CBR4: variants seen among roughly 807,000 people sequenced by gnomAD.
CBR4 encodes 3-oxoacyl-[acyl-carrier-protein] reductase.
Under a neutral mutation model 21.0 loss-of-function variants are expected in CBR4, and 22 were observed. That is an observed-to-expected ratio of 1.05 (90% CI 0.75 to 1.50). The LOEUF (loss-of-function observed/expected upper bound fraction) is 1.50, where lower values mean the gene tolerates loss of function less well. Among genes scored for constraint, CBR4 ranks in the 40% most tolerant of loss-of-function variants. The pLI is 0.00. For missense variants in CBR4, 302 were observed against 286.3 expected (o/e 1.05, Z -0.40); for synonymous variants, 100 against 104.4 (o/e 0.96, Z 0.26).
At chr4:168,971,031 C>A (rs1420133390) in intron 2 of CBR4, among the ~76,000 whole-genome samples, 1 of 152,122 alleles carries the variant, frequency 6.6e-6, no homozygotes, top group Admixed American at 6.5e-5. Context: ...GCTTTTGGTT[C>A]TTTAAAGAAT....
Position 168,989,854 on chromosome 4 carries a change from A to G in CBR4, c.*296T>C. On this transcript the variant is annotated 3_prime_UTR_variant, in exon 5 of 5. Coordinates refer to ENST00000306193, the MANE Select transcript of CBR4 (RefSeq NM_032783.5). ...GGGGGATGATTGCACATGTATTTAA[A>G]TATGTTAAAACCACTGAATTGTGTA... The G allele has an allele frequency of 9.6e-7, 1 of 1,042,928 alleles. No homozygotes were observed. Among genetic ancestry groups the G allele is most frequent in the South Asian group, 4.5e-5 (1 of 22,150 alleles). 64.6% of individuals were successfully genotyped at this position (1,042,928 alleles called of 1,614,324 possible).
chr4:168,917,367 C>T (rs376980741), intron 2 of CBR4, among the ~76,000 whole-genome samples: 4 of 152,140 alleles, frequency 2.6e-5, no homozygotes, highest in South Asian at 4.2e-4. Context: ...GCTTTTTAAC[C>T]CAAGGTCCTT....
At chr4:168,900,187 T>A (rs1756192685) in intron 2 of CBR4, among the ~76,000 whole-genome samples, 1 of 152,166 alleles carries the variant, frequency 6.6e-6, no homozygotes, top group South Asian at 2.1e-4. Context: ...AAACCATTCA[T>A]GAGGGATCCA....
At chr4:169,004,182 T>A (rs1449693907) in intron 3 of CBR4, among the ~76,000 whole-genome samples, 3 of 152,206 alleles carry the variant, frequency 2.0e-5, no homozygotes, top group Non-Finnish European at 4.4e-5. Flanking sequence ...GGCAAGACCC[T>A]CCGCCAGCAA....
chr4:168,988,721 G>A lies in CBR4; in HGVS notation c.*1429C>T, dbSNP rs1764779988. The A allele has an allele frequency of 1.0e-6, 1 of 972,514 alleles. No individual in the cohort carries two copies. The allele number at this position is 972,514 out of a possible 1,614,324, so 60.2% of individuals were successfully genotyped here. A position where few individuals can be genotyped will look rare whatever the true frequency, so the allele number is the denominator to read the frequency against. ...ATACTAACTTTACTCACACTTAATTGACTTTCTCATATCCTGAGATTAATC... is the reference window on the plus strand; with the variant it reads ...ATACTAACTTTACTCACACTTAATTAACTTTCTCATATCCTGAGATTAATC... On this transcript the variant is annotated 3_prime_UTR_variant, in exon 5 of 5. Transcript: ENST00000306193.
rs1730938956 is a variant in CBR4 at position 169,006,745 on chromosome 4, G to A, written c.400+10C>T. The A allele has an allele frequency of 6.2e-7, 1 of 1,610,732 alleles. No individual in the cohort carries two copies. Among genetic ancestry groups the A allele is most frequent in the African/African-American group, 1.3e-5 (1 of 74,924 alleles). Reference sequence around the variant, plus strand: ...GGGATAATCATAAATTCACAAAGGTGAAGACTCACCTACATTAACAATAGA... The same window carrying A: ...GGGATAATCATAAATTCACAAAGGTAAAGACTCACCTACATTAACAATAGA... On this transcript the variant is annotated intron_variant, in intron 3 of 4. Transcript: ENST00000306193.
chr4:168,977,223 C>CA (rs1764399837), intron 2 of CBR4, among the ~76,000 whole-genome samples: 1 of 152,216 alleles, frequency 6.6e-6, no homozygotes, highest in Non-Finnish European at 1.5e-5. Context: ...ATCTCCCCCA[C>CA]AAAAACAATT....
In CBR4 at chr4:169,010,055, C is replaced by G. The variant is rs749610787; in HGVS notation, c.35G>C (p.Arg12Pro). 4.3e-6 allele frequency: 7 copies of G among 1,613,716 alleles called. No individual in the cohort carries two copies. The highest frequency in any genetic ancestry group is 5.9e-6 in the Non-Finnish European group (7 of 1,179,922). ...CTGGGCCACAGCTCTGCCAATGCCT[C>G]GGGAGCCTCCAAAAACAGCACACAC... ...DKVCAVFGGS[R>P]GIGRAVAQLM... The change falls in exon 1 of 5, where the codon CGA becomes CCA. Residue 12 changes from arginine (R) to proline (P), a missense_variant. Arg to Pro is a moderately radical substitution (Grantham distance 103, BLOSUM62 -2). Coordinates refer to ENST00000306193, the MANE Select transcript of CBR4 (RefSeq NM_032783.5).
At chr4:168,932,018 GAAC>G (rs1220041428) in intron 2 of CBR4, among the ~76,000 whole-genome samples, 1 of 151,872 alleles carries the variant, frequency 6.6e-6, no homozygotes, top group Non-Finnish European at 1.5e-5. Context: ...CAACATCAAG[GAAC>G]ATATCAAACA....
intron 2 of CBR4, chr4:168,916,027 A>C: frequency 6.2e-7 from 1 of 1,613,580 alleles, no homozygotes; most frequent in Non-Finnish European, 8.5e-7. Context: ...TGGACTGCAA[A>C]GTAAGATTTT....
intron 2 of CBR4, among the ~76,000 whole-genome samples, chr4:168,966,685 C>A (rs1324371985): frequency 6.6e-6 from 1 of 151,980 alleles, no homozygotes; most frequent in Non-Finnish European, 1.5e-5. Context: ...TCCATTTGAC[C>A]CAGCAATCCC....
intron 4 of CBR4, among the ~76,000 whole-genome samples, chr4:168,998,692 G>C (rs2126838711): frequency 6.6e-6 from 1 of 152,228 alleles, no homozygotes; most frequent in African/African-American, 2.4e-5. Context: ...TATGTGAATT[G>C]TATTTCCACA....
intron 2 of CBR4, among the ~76,000 whole-genome samples, chr4:168,948,896 G>A (rs999579224): frequency 2.2e-4 from 33 of 152,130 alleles, no homozygotes; most frequent in African/African-American, 8.0e-4. Context: ...TTCTAATTCT[G>A]TGAAGAATGA....
chr4:168,905,288 C>A (rs1258628693), intron 2 of CBR4, among the ~76,000 whole-genome samples: 1 of 150,672 alleles, frequency 6.6e-6, no homozygotes, highest in Non-Finnish European at 1.5e-5. Context: ...GTAGCTGGGA[C>A]TACAGGCACC....
intron 2 of CBR4, chr4:168,921,827 C>A: frequency 9.8e-7 from 1 of 1,018,458 alleles, no homozygotes; most frequent in Non-Finnish European, 1.5e-6. Context: ...CTAACCAATA[C>A]GGAAAATAAA....
chr4:168,922,148 G>C (rs1761714571), intron 2 of CBR4, among the ~76,000 whole-genome samples: 2 of 140,572 alleles, frequency 1.4e-5, no homozygotes, highest in African/African-American at 5.4e-5. Context: ...CACACACCTG[G>C]TTTTTAAAAC....
At chr4:168,984,605 G>A (rs180906608), downstream of CBR4, among the ~76,000 whole-genome samples, 3 of 151,624 alleles carry the variant, frequency 2.0e-5, no homozygotes, top group Non-Finnish European at 4.4e-5. Context: ...CATAGCAACA[G>A]CAATCCTAAG....
intron 3 of CBR4, among the ~76,000 whole-genome samples, chr4:169,002,561 A>C (rs1730541806): frequency 6.6e-6 from 1 of 152,220 alleles, no homozygotes; most frequent in Non-Finnish European, 1.5e-5. Context: ...GTAGAGGTTA[A>C]AGCCAGAAAA....
chr4:168,905,150 T>G (rs1210436154), intron 2 of CBR4, among the ~76,000 whole-genome samples: 13 of 130,808 alleles, frequency 9.9e-5, no homozygotes, highest in Admixed American at 1.5e-4. Context: ...TTTTTTTTTT[T>G]TTTTTTTTTT....
Sources: allele counts gnomAD v4.1 joint callset (sites outside exome capture counted in the v4.1 genomes callset), GRCh38; gene constraint gnomAD v4.1.1; transcripts MANE v1.5; gene names NCBI Gene and HGNC (gene_info 2026-07-23, HGNC 2026-07-21).